CABCOCO1: variants seen among roughly 807,000 people sequenced by gnomAD.
CABCOCO1 encodes ciliary associated calcium binding coiled-coil 1, also known as ciliary-associated calcium-binding coiled-coil protein 1.
Under a neutral mutation model 35.7 loss-of-function variants are expected in CABCOCO1, and 28 were observed. The ratio of observed to expected loss-of-function variants is 0.78; its 90% CI spans 0.58 to 1.07. The LOEUF (loss-of-function observed/expected upper bound fraction) is 1.07. Among genes scored for constraint, CABCOCO1 ranks in the 50% least tolerant of loss-of-function variants. CABCOCO1 has a pLI of 0.00. For missense variants in CABCOCO1, 326 were observed against 309.2 expected (o/e 1.05, Z -0.41); for synonymous variants, 95 against 100.1 (o/e 0.95, Z 0.30).
At chr10:61,680,317 AAT>A (rs1554821447) in intron 2 of CABCOCO1, among the ~76,000 whole-genome samples, 4 of 140,486 alleles carry the variant, frequency 2.8e-5, no homozygotes, top group South Asian at 4.3e-4. Flanking sequence ...TCTCAAAAAA[AAT>A]ATATATATAT....
chr10:61,765,977 C>T lies in CABCOCO1; in HGVS notation c.855C>T (p.Ala285=), dbSNP rs775506083. The change falls in exon 8 of 8, where the codon GCC becomes GCT. Residue 285 remains alanine (A), a synonymous_variant. Coordinates refer to ENST00000648843, the MANE Select transcript of CABCOCO1 (RefSeq NM_001366906.2). ...AAAAACTGCAAATACAGGAAGAGGC[C>T]TTTAATGCACGAATAGAAAAATTGA... is the stretch of plus-strand genomic sequence containing the variant. ...INEKLQIQEE[A]FNARIEKLKK... 6.2e-7 allele frequency: 1 copy of T among 1,613,312 alleles called. No individual in the cohort carries two copies. The highest frequency in any genetic ancestry group is 8.5e-7 in the Non-Finnish European group (1 of 1,179,572).
At chr10:61,687,572 C>T (rs11597394) in intron 4 of CABCOCO1, among the ~76,000 whole-genome samples, 47,761 of 152,036 alleles carry the variant, frequency 0.31, 8,881 homozygotes, top group Middle Eastern at 0.43. Context: ...CATAATGACC[C>T]CTTCTGGAAG....
At chr10:61,669,020 GAAA>G (rs200867627) in intron 1 of CABCOCO1, among the ~76,000 whole-genome samples, 1 of 102,504 alleles carries the variant, frequency 9.8e-6, no homozygotes, top group African/African-American at 3.0e-5. Context: ...AAGGGTTGGG[GAAA>G]AAAAAAAAAA....
rs373529031 is a variant in CABCOCO1, at chr10:61,687,581, A to T, written c.479+1396A>T. The stretch of plus-strand genomic sequence containing the variant: ...AGGTGCCATAATGACCCCTTCTGGA[A>T]GGAGAAGGATGACAGCTCTTTTCCC... On this transcript the variant is annotated intron_variant, in intron 4 of 7. Coordinates refer to ENST00000648843, the MANE Select transcript of CABCOCO1 (RefSeq NM_001366906.2). Among the ~76,000 whole-genome samples, 51 of 152,270 alleles carry T rather than the reference A, an allele frequency of 3.3e-4. No individual in the cohort carries two copies. In the South Asian group the frequency reaches 0.01, roughly 31 times the overall value.
chr10:61,666,418 G>GA (rs1839174253), intron 1 of CABCOCO1, among the ~76,000 whole-genome samples: 1 of 152,190 alleles, frequency 6.6e-6, no homozygotes, highest in Non-Finnish European at 1.5e-5. Flanking sequence ...ATATTGTTGA[G>GA]AAAACAGTAC....
intron 5 of CABCOCO1, among the ~76,000 whole-genome samples, chr10:61,746,490 T>G (rs1372294172): frequency 1.3e-5 from 2 of 152,184 alleles, no homozygotes; most frequent in East Asian, 1.9e-4. Flanking sequence ...GGCTGGTGCT[T>G]GGTCTGCAGA....
At chr10:61,707,845 G>T (rs1840631543) in intron 5 of CABCOCO1, among the ~76,000 whole-genome samples, 1 of 152,002 alleles carries the variant, frequency 6.6e-6, no homozygotes, top group East Asian at 1.9e-4. Context: ...TTCAAGTTTT[G>T]CACAAGGTAA....
At chr10:61,754,633 A>T (rs1284872085) in intron 5 of CABCOCO1, among the ~76,000 whole-genome samples, 8 of 152,140 alleles carry the variant, frequency 5.3e-5, no homozygotes. Context: ...AAATCAAGAG[A>T]TAAATAAAAA....
intron 5 of CABCOCO1, among the ~76,000 whole-genome samples, chr10:61,721,097 T>G (rs2132041339): frequency 6.6e-6 from 1 of 151,868 alleles, no homozygotes; most frequent in East Asian, 1.9e-4. Flanking sequence ...GCTAATTTTT[T>G]GTATTTTTAG....
rs1442410247 is a variant in CABCOCO1 at position 61,699,882 on chromosome 10, A to G, written c.552+9261A>G. Reference sequence around the variant, plus strand: ...TATTGTTTCTCCTGTTTTTCTGAGTATAGGAGTTACATACATTCACCTAGT... The same window carrying G: ...TATTGTTTCTCCTGTTTTTCTGAGTGTAGGAGTTACATACATTCACCTAGT... On this transcript the variant is annotated intron_variant, in intron 5 of 7. Transcript: ENST00000648843. Among the ~76,000 whole-genome samples the G allele has an allele frequency of 2.0e-5, 3 of 152,136 alleles. No homozygotes were observed. In the East Asian group the frequency reaches 5.8e-4, roughly 29 times the overall value.
At chr10:61,739,850 G>C (rs934691339) in intron 5 of CABCOCO1, among the ~76,000 whole-genome samples, 12 of 152,312 alleles carry the variant, frequency 7.9e-5, no homozygotes, top group Middle Eastern at 3.4e-3. Context: ...GCTGAGGCAG[G>C]AGAATCGCTT....
chr10:61,670,625 G>A (rs1344738236), intron 1 of CABCOCO1, among the ~76,000 whole-genome samples: 1 of 152,168 alleles, frequency 6.6e-6, no homozygotes, highest in East Asian at 1.9e-4. Context: ...CCGCAAGGCA[G>A]TTTTTTTGCT....
intron 4 of CABCOCO1, 88 bp downstream of exon 4, chr10:61,686,273 G>A (rs1839961513): frequency 8.5e-7 from 1 of 1,171,628 alleles, no homozygotes; most frequent in Non-Finnish European, 1.2e-6. Flanking sequence ...GTTTTTAGCA[G>A]ATTCAGATAT....
intron 2 of CABCOCO1, among the ~76,000 whole-genome samples, chr10:61,680,414 T>A (rs1475134782): frequency 3.8e-5 from 5 of 131,868 alleles, no homozygotes; most frequent in Admixed American, 8.3e-5. Flanking sequence ...ATAACATATA[T>A]AATATATATT....
chr10:61,740,120 A>G (rs1030934307), intron 5 of CABCOCO1, among the ~76,000 whole-genome samples: 1 of 152,256 alleles, frequency 6.6e-6, no homozygotes, highest in Non-Finnish European at 1.5e-5. Context: ...AGATGTGAAT[A>G]TAAGTTTAGT....
chr10:61,746,828 C>G (rs1564554579), intron 5 of CABCOCO1, among the ~76,000 whole-genome samples: 1 of 152,010 alleles, frequency 6.6e-6, no homozygotes, highest in Non-Finnish European at 1.5e-5. Context: ...TAAATAGAAA[C>G]ACTTCTCATG....
intron 5 of CABCOCO1, among the ~76,000 whole-genome samples, chr10:61,721,543 T>C (rs1018805022): frequency 6.6e-6 from 1 of 152,120 alleles, no homozygotes; most frequent in African/African-American, 2.4e-5. Flanking sequence ...AAGGGCAAAG[T>C]ATTAGTAGAG....
chr10:61,708,777 A>G (rs1223093198), intron 5 of CABCOCO1, among the ~76,000 whole-genome samples: 1 of 152,114 alleles, frequency 6.6e-6, no homozygotes, highest in Non-Finnish European at 1.5e-5. Context: ...GCAACCTACT[A>G]CCCTAGTAGC....
At chr10:61,680,732 TATA>T (rs1260170340) in intron 2 of CABCOCO1, among the ~76,000 whole-genome samples, 1,148 of 64,800 alleles carry the variant, frequency 0.018, 24 homozygotes, top group Non-Finnish European at 0.028. Flanking sequence ...ATATTATATA[TATA>T]ATATATATAT....
Sources: gnomAD v4.1 joint callset for allele counts (sites outside exome capture counted in the v4.1 genomes callset) on GRCh38, gnomAD v4.1.1 for gene constraint, MANE v1.5 for transcripts, NCBI Gene and HGNC (gene_info 2026-07-23, HGNC 2026-07-21) for gene names.